FRY: variants seen among roughly 807,000 people sequenced by gnomAD.
FRY encodes the protein protein furry homolog.
FRY carries 128 observed loss-of-function variants against 348.4 expected under a neutral mutation model. The observed-to-expected ratio is 0.37, with a 90% CI of 0.32 to 0.43. The LOEUF is 0.43. Among genes scored for constraint, FRY ranks in the 20% least tolerant of loss-of-function variants. The probability of loss-of-function intolerance (pLI) is 1.00; values close to 1 mark genes in which losing one functional copy is unlikely to be tolerated. For synonymous variants in FRY, 1,370 were observed against 1,374.7 expected (o/e 1.00, Z 0.08); for missense variants, 2,736 against 3,695.2 (o/e 0.74, Z 6.73).
intron 50 of FRY, among the ~76,000 whole-genome samples, chr13:32,253,853 A>G (rs533698035): frequency 6.6e-6 from 1 of 152,326 alleles, no homozygotes; most frequent in African/African-American, 2.4e-5. Context: ...TGTATTTGAT[A>G]TATGTGTGTA....
At chr13:32,091,450 T>C (rs1876303864) in intron 2 of FRY, among the ~76,000 whole-genome samples, 1 of 152,212 alleles carries the variant, frequency 6.6e-6, no homozygotes, top group South Asian at 2.1e-4. Context: ...TTTCCAAACT[T>C]GAGTCAAAGT....
At chr13:32,286,747 CA>C (rs6144991) in intron 58 of FRY, among the ~76,000 whole-genome samples, 141 of 77,438 alleles carry the variant, frequency 1.8e-3, no homozygotes, top group East Asian at 7.3e-3. Flanking sequence ...GACTCTGTCT[CA>C]AAAAAAAAAA....
intron 11 of FRY, among the ~76,000 whole-genome samples, chr13:32,143,857 A>T (rs535511750): frequency 6.6e-6 from 1 of 152,126 alleles, no homozygotes; most frequent in Non-Finnish European, 1.5e-5. Flanking sequence ...AACTCACTTA[A>T]CTCTCATACA....
chr13:32,265,727 G>T, intron 54 of FRY, 111 bp downstream of exon 54: 1 of 1,079,540 alleles, frequency 9.3e-7, no homozygotes, highest in Non-Finnish European at 1.4e-6. Context: ...CCTAATAAAG[G>T]ACTCCAAAGT....
At chr13:32,164,217 A>G (rs1162604654) in intron 17 of FRY, among the ~76,000 whole-genome samples, 2 of 152,224 alleles carry the variant, frequency 1.3e-5, no homozygotes, top group East Asian at 3.8e-4. Context: ...TTATACCCCC[A>G]CAGTCCAGTT....
intron 51 of FRY, 121 bp from the exon 52 acceptor site, chr13:32,261,495 G>T (rs759108557): frequency 5.7e-5 from 51 of 891,436 alleles, no homozygotes; most frequent in Non-Finnish European, 7.6e-5. Context: ...TACCAAAGTC[G>T]ATGAGGGCCT....
intron 5 of FRY, 60 bp from the exon 6 acceptor site, chr13:32,124,542 A>G (rs1878907506): frequency 2.0e-6 from 2 of 986,800 alleles, no homozygotes; most frequent in South Asian, 1.3e-5. Flanking sequence ...TATTGGAAGT[A>G]CTGTACCGAT....
Position 32,296,108 on chromosome 13 carries a change from T to G in FRY, c.*648T>G, listed in dbSNP as rs1370312911. On this transcript the variant is annotated 3_prime_UTR_variant, in exon 61 of 61. Transcript: ENST00000542859. ...CTATGAAGTACCTTTCTTATGTTGCTAGGCTACTGTTTCTGAAAGCCCTGG... is the reference window on the plus strand; with the variant it reads ...CTATGAAGTACCTTTCTTATGTTGCGAGGCTACTGTTTCTGAAAGCCCTGG... 6.5e-6 allele frequency: 1 copy of G among 152,946 alleles called. No individual in the cohort carries two copies. The highest frequency in any genetic ancestry group is 2.4e-5 in the African/African-American group (1 of 41,466). The allele number at this position is 152,946 out of a possible 1,614,324, so 9.5% of individuals were successfully genotyped here.
chr13:32,227,692 T>C (rs556499924), intron 39 of FRY, among the ~76,000 whole-genome samples: 1 of 152,052 alleles, frequency 6.6e-6, no homozygotes, highest in African/African-American at 2.4e-5. Flanking sequence ...AAAAATATTA[T>C]GTAAAAGTAA....
chr13:32,240,710 G>A (rs1442365809), intron 46 of FRY, among the ~76,000 whole-genome samples: 3 of 152,176 alleles, frequency 2.0e-5, no homozygotes, highest in African/African-American at 4.8e-5. Flanking sequence ...TAATCGCTAC[G>A]TTGTTTTAGC....
chr13:32,275,222 C>CA (rs770397293), intron 56 of FRY: 65,881 of 206,406 alleles, frequency 0.32, 8,578 homozygotes, highest in African/African-American at 0.39. Context: ...ATTAAAAATA[C>CA]AAAAAAAAAA....
At chr13:32,044,154 T>C (rs1402966488) in intron 1 of FRY, among the ~76,000 whole-genome samples, 2 of 152,278 alleles carry the variant, frequency 1.3e-5, no homozygotes, top group Non-Finnish European at 2.9e-5. Flanking sequence ...TGTTTAATGC[T>C]ATCCAACAAT....
At chr13:32,100,433 A>G (rs1320876797) in intron 2 of FRY, among the ~76,000 whole-genome samples, 1 of 152,058 alleles carries the variant, frequency 6.6e-6, no homozygotes, top group African/African-American at 2.4e-5. Flanking sequence ...TTTCAAATAA[A>G]TTTTACGGTT....
intron 1 of FRY, among the ~76,000 whole-genome samples, chr13:32,077,126 C>T (rs1006202958): frequency 3.3e-5 from 5 of 152,062 alleles, no homozygotes; most frequent in African/African-American, 1.2e-4. Context: ...TAAGTGAAGC[C>T]AGTGTGCTCA....
chr13:32,034,815 A>G (rs1168049776), intron 1 of FRY, among the ~76,000 whole-genome samples: 1 of 152,094 alleles, frequency 6.6e-6, no homozygotes, highest in African/African-American at 2.4e-5. Context: ...ACCAAGCTTA[A>G]TCTACTCACT....
chr13:32,262,368 G>C lies in FRY; in HGVS notation c.7672G>C (p.Ala2558Pro), dbSNP rs201419637. 3.7e-6 allele frequency: 6 copies of C among 1,613,672 alleles called. No homozygotes were observed. The South Asian group carries it at 6.6e-5, about 18-fold the overall frequency. ...ETNPMELLTT[A>P]CDSTPAEPHS... ...GAATCCCATGGAGCTGCTCACCACAGCCTGTGACTCGACCCCTGCAGAACC... is the reference window on the plus strand; with the variant it reads ...GAATCCCATGGAGCTGCTCACCACACCCTGTGACTCGACCCCTGCAGAACC... Residue 2558 changes from alanine to proline, a missense_variant, in exon 53 of 61, where the codon GCC becomes CCC. Ala to Pro is a conservative substitution (Grantham distance 27). Transcript: ENST00000542859.
intron 17 of FRY, among the ~76,000 whole-genome samples, chr13:32,164,316 G>A (rs1461914029): frequency 6.6e-6 from 1 of 152,154 alleles, no homozygotes; most frequent in Non-Finnish European, 1.5e-5. Flanking sequence ...AGTCTCATCC[G>A]TGGTACACTT....
At chr13:32,101,903 C>A in intron 2 of FRY, 60 bp from the exon 3 acceptor site, 1 of 977,982 alleles carries the variant, frequency 1.0e-6, no homozygotes, top group Non-Finnish European at 1.7e-6. Context: ...AATGGCATTT[C>A]TTTTATACTA....
intron 1 of FRY, among the ~76,000 whole-genome samples, chr13:32,056,469 T>G (rs1372111696): frequency 6.6e-6 from 1 of 152,200 alleles, no homozygotes; most frequent in Admixed American, 6.5e-5. Context: ...AAATGCTACC[T>G]ACAACTGTAA....
Sources: gnomAD v4.1 joint callset for allele counts (sites outside exome capture counted in the v4.1 genomes callset) on GRCh38, gnomAD v4.1.1 for gene constraint, MANE v1.5 for transcripts, NCBI Gene and HGNC (gene_info 2026-07-23, HGNC 2026-07-21) for gene names.